ABCA8: variants seen among roughly 807,000 people sequenced by gnomAD.
The protein encoded by ABCA8 is ATP binding cassette subfamily A member 8.
In ABCA8, 177 loss-of-function variants were observed where a neutral mutation model predicts 192.3. That is an observed-to-expected ratio of 0.92 (90% CI 0.81 to 1.04). ABCA8 has a LOEUF of 1.04. Among genes scored for constraint, ABCA8 ranks in the 50% least tolerant of loss-of-function variants. ABCA8 has a pLI of 0.00. For synonymous variants in ABCA8, 642 were observed against 690.2 expected (o/e 0.93, Z 1.09); for missense variants, 1,915 against 1,904.8 (o/e 1.01, Z -0.10).
intron 7 of ABCA8, 78 bp downstream of exon 7, chr17:68,932,210 A>C (rs76477319): frequency 2.1e-6 from 1 of 469,592 alleles, no homozygotes; most frequent in Non-Finnish European, 3.0e-6. Flanking sequence ...ACTCCATTTC[A>C]AAAAAAAAAA....
At chr17:68,931,982 G>A (rs1448057456) in intron 7 of ABCA8, 1 of 213,072 alleles carries the variant, frequency 4.7e-6, no homozygotes, top group Non-Finnish European at 9.8e-6. Flanking sequence ...AGGCCGAGGT[G>A]GGTGGATCAC....
Position 68,867,822 on chromosome 17 carries a change from T to C in ABCA8, c.*263A>G, listed in dbSNP as rs542935332. On this transcript the variant is annotated 3_prime_UTR_variant, in exon 40 of 40. Coordinates refer to ENST00000586539, the MANE Select transcript of ABCA8 (RefSeq NM_001288985.2). ...ACTTATACGATCATGTAAAAGTAAA[T>C]TTATTTATTCAGTATTATACAGAAC... 2 of 273,416 alleles carry C rather than the reference T, an allele frequency of 7.3e-6. No individual in the cohort carries two copies. The highest frequency in any genetic ancestry group is 2.2e-5 in the African/African-American group (1 of 45,702). The allele number at this position is 273,416 out of a possible 1,614,324, so 16.9% of individuals were successfully genotyped here.
intron 12 of ABCA8, among the ~76,000 whole-genome samples, chr17:68,921,838 G>A (rs1402557294): frequency 6.6e-6 from 1 of 151,798 alleles, no homozygotes; most frequent in African/African-American, 2.4e-5. Context: ...TTATTACATG[G>A]CTAAAACTCC....
chr17:68,885,843 A>G (rs1381178997), intron 26 of ABCA8, among the ~76,000 whole-genome samples: 1 of 152,274 alleles, frequency 6.6e-6, no homozygotes, highest in African/African-American at 2.4e-5. Context: ...AGACACACCC[A>G]GCACCCATAG....
chr17:68,933,148 T>C lies in ABCA8; in HGVS notation c.570+20A>G. 1 of 1,542,604 alleles carries C rather than the reference T, an allele frequency of 6.5e-7. No homozygotes were observed. The highest frequency in any genetic ancestry group is 8.9e-7 in the Non-Finnish European group (1 of 1,121,092). Reference sequence around the variant, plus strand: ...TAACTTGCATTAAACATTAGTTTGCTTTGAACATTTTGTACTCACTTCTAT... The same window carrying C: ...TAACTTGCATTAAACATTAGTTTGCCTTGAACATTTTGTACTCACTTCTAT... On this transcript the variant is annotated intron_variant, in intron 6 of 39. Coordinates refer to ENST00000586539, the MANE Select transcript of ABCA8 (RefSeq NM_001288985.2).
intron 37 of ABCA8, among the ~76,000 whole-genome samples, chr17:68,874,982 T>C (rs1250436770): frequency 1.3e-5 from 2 of 152,204 alleles, no homozygotes; most frequent in East Asian, 1.9e-4. Context: ...TGAAGTCTAC[T>C]CATTTTTTTT....
intron 33 of ABCA8, 45 bp from the exon 34 acceptor site, chr17:68,876,748 A>G (rs2143249292): frequency 3.1e-6 from 5 of 1,611,680 alleles, no homozygotes; most frequent in Non-Finnish European, 4.2e-6. Context: ...ACAAGAGGAA[A>G]TAGATAAGAG....
chr17:68,922,332 A>C, intron 11 of ABCA8, 32 bp from the exon 12 acceptor site: 1 of 1,306,484 alleles, frequency 7.7e-7, no homozygotes, highest in South Asian at 1.4e-5. Context: ...TCAAAGTGAC[A>C]ATTTTCTTCA....
At chr17:68,889,154 CCAT>C (rs763530052) in intron 24 of ABCA8, among the ~76,000 whole-genome samples, 5 of 152,158 alleles carry the variant, frequency 3.3e-5, no homozygotes, top group Non-Finnish European at 7.3e-5. Context: ...ATTACATAAA[CCAT>C]ACACTCTTTT....
rs753629086 is a variant in ABCA8 at position 68,940,925 on chromosome 17, T to G, written c.134A>C (p.Tyr45Ser). The G allele has an allele frequency of 1.2e-6, 2 of 1,611,812 alleles. No homozygotes were observed. Among genetic ancestry groups the G allele is most frequent in the South Asian group, 1.1e-5 (1 of 91,008 alleles). The change falls in exon 4 of 40, where the codon TAT (tyrosine) becomes TCT (serine). Residue 45 changes from tyrosine (Y) to serine (S), a missense_variant. Transcript: ENST00000586539. ...LNSLLLLLCL[Y>S]IYPHSHQVND... ...TACTTGATGACTATGAGGATATATATACAAACAAAGTAGTAGGAGCAATGA... is the reference window on the plus strand; with the variant it reads ...TACTTGATGACTATGAGGATATATAGACAAACAAAGTAGTAGGAGCAATGA...
chr17:68,894,741 C>T, intron 22 of ABCA8, 139 bp downstream of exon 22: 1 of 922,540 alleles, frequency 1.1e-6, no homozygotes, highest in Non-Finnish European at 1.6e-6. Flanking sequence ...ATTGTTTATG[C>T]CAGTGAATAC....
rs576252562 is a variant in ABCA8, at chr17:68,907,889, A to C, written c.2139-10T>G. On this transcript the variant is annotated splice_polypyrimidine_tract_variant and intron_variant, in intron 17 of 39. Transcript: ENST00000586539. ...TTCATTTAACTGCAAGCTGGCATTCAGAAAAAAAAAAAAAGACATATGTTA... is the reference window on the plus strand; with the variant it reads ...TTCATTTAACTGCAAGCTGGCATTCCGAAAAAAAAAAAAAGACATATGTTA... The C allele has an allele frequency of 6.5e-7, 1 of 1,537,994 alleles. No homozygotes were observed. Among genetic ancestry groups the C allele is most frequent in the South Asian group, 1.3e-5 (1 of 78,902 alleles).
At chr17:68,876,282 TA>T in intron 35 of ABCA8, 177 bp downstream of exon 35, 1 of 722,414 alleles carries the variant, frequency 1.4e-6, no homozygotes, top group Non-Finnish European at 2.2e-6. Flanking sequence ...GAAATGGTTG[TA>T]AAATATCATC....
chr17:68,892,445 G>T (rs533083434), intron 23 of ABCA8, among the ~76,000 whole-genome samples: 1 of 152,138 alleles, frequency 6.6e-6, no homozygotes, highest in South Asian at 2.1e-4. Context: ...GACTTTGCGG[G>T]CAATGAGCAG....
In ABCA8 at chr17:68,875,740, T is replaced by C. The variant is rs777238801; in HGVS notation, c.4371-7A>G. The C allele has an allele frequency of 3.7e-6, 6 of 1,603,524 alleles. No individual in the cohort carries two copies. Among genetic ancestry groups the C allele is most frequent in the Non-Finnish European group, 5.1e-6 (6 of 1,176,944 alleles). ...GGTGGCCCGGATGGCCTGCCTATAA[T>C]GTCAAGAGATTATTTGCAATTTAGG... On this transcript the variant is annotated splice_polypyrimidine_tract_variant and splice_region_variant and intron_variant, in intron 35 of 39. Transcript: ENST00000586539.
chr17:68,877,475 C>G, intron 33 of ABCA8, 44 bp downstream of exon 33: 1 of 1,532,466 alleles, frequency 6.5e-7, no homozygotes, highest in East Asian at 2.3e-5. Flanking sequence ...CAACCTCCTC[C>G]ACCCCTCCCT....
chr17:68,928,986 A>G lies in ABCA8; in HGVS notation c.1125+63T>C, dbSNP rs1866404966. On this transcript the variant is annotated intron_variant, in intron 9 of 39. Coordinates refer to ENST00000586539, the MANE Select transcript of ABCA8 (RefSeq NM_001288985.2). Reference sequence around the variant, plus strand: ...CTGAGTTTGTAAATGATTACAGCCTATGGATTCCAGAGGGACAGATGTTTC... The same window carrying G: ...CTGAGTTTGTAAATGATTACAGCCTGTGGATTCCAGAGGGACAGATGTTTC... 5 of 1,259,520 alleles carry G rather than the reference A, an allele frequency of 4.0e-6. No individual in the cohort carries two copies. In the Admixed American group the frequency reaches 1.4e-4, roughly 36 times the overall value. 78.0% of individuals were successfully genotyped at this position (1,259,520 alleles called of 1,614,324 possible).
intron 23 of ABCA8, 125 bp from the exon 24 acceptor site, chr17:68,891,721 G>T: frequency 1.6e-6 from 1 of 636,792 alleles, no homozygotes; most frequent in East Asian, 3.1e-5. Flanking sequence ...GAGATTCCCA[G>T]ATTCCTTCAT....
intron 13 of ABCA8, 113 bp from the exon 14 acceptor site, chr17:68,919,589 AT>A: frequency 1.1e-6 from 1 of 932,208 alleles, no homozygotes; most frequent in Non-Finnish European, 1.6e-6. Flanking sequence ...CAATTCAGGC[AT>A]TAGAAACTTC....
Sources: allele counts gnomAD v4.1 joint callset (sites outside exome capture counted in the v4.1 genomes callset), GRCh38; gene constraint gnomAD v4.1.1; transcripts MANE v1.5; gene names NCBI Gene and HGNC (gene_info 2026-07-23, HGNC 2026-07-21).